The following UBXN2B variants were observed in gnomAD, a reference collection of about 807,000 sequenced individuals.
The protein encoded by UBXN2B is UBX domain-containing protein 2B.
Under a neutral mutation model 37.5 loss-of-function variants are expected in UBXN2B, and 19 were observed. The ratio of observed to expected loss-of-function variants is 0.51; its 90% CI spans 0.35 to 0.74. The LOEUF (loss-of-function observed/expected upper bound fraction) is 0.74, where lower values mean the gene tolerates loss of function less well. Ranked by LOEUF, UBXN2B falls within the 30% of genes least tolerant of loss-of-function variation. UBXN2B has a pLI of 0.01. For synonymous variants in UBXN2B, 145 were observed against 143.8 expected, an observed-to-expected ratio of 1.01 and a Z score of -0.06; for missense variants, 370 against 393.2, an observed-to-expected ratio of 0.94 and a Z score of 0.50.
At chr8:58,436,406 A>G (rs1222894724) in intron 5 of UBXN2B, among the ~76,000 whole-genome samples, 1 of 152,264 alleles carries the variant, frequency 6.6e-6, no homozygotes, top group East Asian at 1.9e-4. Flanking sequence ...TGGAGGGCAC[A>G]TGATGATTCT....
intron 1 of UBXN2B, among the ~76,000 whole-genome samples, chr8:58,413,036 C>G (rs13263105): frequency 0.69 from 105,578 of 152,064 alleles, 36,869 homozygotes; most frequent in East Asian, 0.79. Flanking sequence ...GAACAGCTTG[C>G]TTAATGACCA....
At chr8:58,435,152 A>G (rs769270879) in intron 5 of UBXN2B, 14 of 1,357,758 alleles carry the variant, frequency 1.0e-5, no homozygotes, top group Non-Finnish European at 1.3e-5. Context: ...CTAAAGACAT[A>G]AAGTTGAGCA....
chr8:58,426,764 C>T (rs536251894), intron 2 of UBXN2B: 26 of 634,712 alleles, frequency 4.1e-5, no homozygotes, highest in East Asian at 2.8e-4. Flanking sequence ...TGGGCTGGCC[C>T]GAGGGAGGCC....
chr8:58,443,257 C>G (rs1025994720), intron 6 of UBXN2B, among the ~76,000 whole-genome samples: 5 of 152,198 alleles, frequency 3.3e-5, no homozygotes, highest in Non-Finnish European at 7.3e-5. Context: ...CTGGTCATTT[C>G]CATCCTCCTC....
chr8:58,421,501 C>A lies in UBXN2B; in HGVS notation c.188+4548C>A, dbSNP rs1229037293. 4.6e-5 allele frequency among the ~76,000 whole-genome samples: 7 copies of A among 152,078 alleles called. No individual in the cohort carries two copies. In the East Asian group the frequency reaches 1.3e-3, roughly 29 times the overall value. On this transcript the variant is annotated intron_variant, in intron 2 of 7. Transcript: ENST00000399598. ...TCTGGAATATTGTGCATATTTAATACCTACCAGCAACCTAGAAGTAGACAA... is the reference window on the plus strand; with the variant it reads ...TCTGGAATATTGTGCATATTTAATAACTACCAGCAACCTAGAAGTAGACAA...
At chr8:58,421,838 T>C (rs1807933783) in intron 2 of UBXN2B, among the ~76,000 whole-genome samples, 1 of 152,244 alleles carries the variant, frequency 6.6e-6, no homozygotes, top group South Asian at 2.1e-4. Flanking sequence ...CATAAGAACA[T>C]GATAGTTTGC....
rs1585626024 is a variant in UBXN2B at position 58,451,378 on chromosome 8, A to G, written c.*3827A>G. The G allele has an allele frequency of 6.6e-6, 1 of 152,198 alleles. No individual in the cohort carries two copies. The highest frequency in any genetic ancestry group is 1.5e-5 in the Non-Finnish European group (1 of 68,040). 9.4% of individuals were successfully genotyped at this position (152,198 alleles called of 1,614,324 possible). ...CTGCAGTCATCTTAAATTTATAATC[A>G]TCTCAAAAAAGATGTCACAATGAAC... is the stretch of plus-strand genomic sequence containing the variant. On this transcript the variant is annotated 3_prime_UTR_variant, in exon 8 of 8. Transcript: ENST00000399598.
At chr8:58,432,859 A>G (rs1266770152) in intron 3 of UBXN2B, among the ~76,000 whole-genome samples, 1 of 152,184 alleles carries the variant, frequency 6.6e-6, no homozygotes, top group Non-Finnish European at 1.5e-5. Context: ...ATTATGGTTC[A>G]ATAAATTTGG....
In UBXN2B at chr8:58,451,015, A is replaced by G. The variant is rs991886247; in HGVS notation, c.*3464A>G. 12 of 152,670 alleles carry G rather than the reference A, an allele frequency of 7.9e-5. No homozygotes were observed. Among genetic ancestry groups the G allele is most frequent in the African/African-American group, 2.9e-4 (12 of 41,466 alleles). 9.5% of individuals were successfully genotyped at this position (152,670 alleles called of 1,614,324 possible). A position where few individuals can be genotyped will look rare whatever the true frequency, so the allele number is the denominator to read the frequency against. ...CCATTTCAAAAAGATTACCAGGGGT[A>G]AAACAACTTTTTCATGGGTCAAAAT... is the stretch of plus-strand genomic sequence containing the variant. On this transcript the variant is annotated 3_prime_UTR_variant, in exon 8 of 8. Transcript: ENST00000399598.
At position 58,429,176 on chromosome 8, in the gene UBXN2B, T is replaced by A. The variant is rs527347509; in HGVS notation, c.189-1343T>A. On this transcript the variant is annotated intron_variant, in intron 2 of 7. Transcript: ENST00000399598. ...GGAATGATTATTCACTTTGCCAGAT[T>A]AGAGATGTGGAAAGCCTTGAAGGTG... Among the ~76,000 whole-genome samples, 114 of 152,308 alleles carry A rather than the reference T, an allele frequency of 7.5e-4. 1 individual carries two copies. Among genetic ancestry groups the A allele is most frequent in the African/African-American group, 2.7e-3 (111 of 41,574 alleles).
chr8:58,416,876 T>A lies in UBXN2B; in HGVS notation c.111T>A (p.Asp37Glu), dbSNP rs891218697. 1.9e-6 allele frequency: 3 copies of A among 1,612,740 alleles called. No individual in the cohort carries two copies. The highest frequency in any genetic ancestry group is 1.7e-6 in the Non-Finnish European group (2 of 1,179,044). Residue 37 changes from aspartate to glutamate, a missense_variant, in exon 2 of 8, where the codon GAT becomes GAA. Around this residue, in one of 3 missense-constraint regions of UBXN2B, gnomAD observed 197 missense variants for 170.2 expected, o/e 1.16. Transcript: ENST00000399598. Reference sequence around the variant, plus strand: ...TGGCCTTGGCAGAATTGTATGAAGATGAAGTGAAGTGCAAATCTTCCAAGT... The same window carrying A: ...TGGCCTTGGCAGAATTGTATGAAGAAGAAGTGAAGTGCAAATCTTCCAAGT... ...LQLALAELYE[D>E]EVKCKSSKSN...
chr8:58,450,407 C>T lies in UBXN2B; in HGVS notation c.*2856C>T, dbSNP rs567649776. The T allele has an allele frequency of 4.6e-5, 7 of 152,298 alleles. No homozygotes were observed. The South Asian group carries it at 6.2e-4, about 14-fold the overall frequency. 9.4% of individuals were successfully genotyped at this position (152,298 alleles called of 1,614,324 possible). A position where few individuals can be genotyped will look rare whatever the true frequency, so the allele number is the denominator to read the frequency against. ...CAGGACACAACTCAGCTTAGCTTTT[C>T]GCCACTATGTAACAAGGACTCCTTT... On this transcript the variant is annotated 3_prime_UTR_variant, in exon 8 of 8. Transcript: ENST00000399598.
At chr8:58,437,318 CTTTTT>C (rs773987509) in intron 5 of UBXN2B, among the ~76,000 whole-genome samples, 91 of 74,248 alleles carry the variant, frequency 1.2e-3, no homozygotes, top group African/African-American at 4.6e-3. Flanking sequence ...GAAGAAATTT[CTTTTT>C]TTTTTTTTTT....
Position 58,448,295 on chromosome 8 carries a change from T to C in UBXN2B, c.*744T>C, listed in dbSNP as rs1490845882. ...TTCAAAAGATTCTCCTGCCTTAGCC[T>C]CCCAAGTAGCTGGGATTACAGGCAT... On this transcript the variant is annotated 3_prime_UTR_variant, in exon 8 of 8. Transcript: ENST00000399598. The C allele has an allele frequency of 6.6e-6, 1 of 151,742 alleles. No homozygotes were observed. Among genetic ancestry groups the C allele is most frequent in the East Asian group, 1.9e-4 (1 of 5,142 alleles). 9.4% of individuals were successfully genotyped at this position (151,742 alleles called of 1,614,324 possible).
intron 5 of UBXN2B, among the ~76,000 whole-genome samples, chr8:58,439,008 G>T (rs1168460105): frequency 6.6e-6 from 1 of 152,114 alleles, no homozygotes; most frequent in Non-Finnish European, 1.5e-5. Flanking sequence ...TTGTTTAATA[G>T]CCTGGAACCT....
rs1317945574 is a variant in UBXN2B, at chr8:58,449,902, G to T, written c.*2351G>T. On this transcript the variant is annotated 3_prime_UTR_variant, in exon 8 of 8. Coordinates refer to ENST00000399598, the MANE Select transcript of UBXN2B (RefSeq NM_001077619.2). ...TATAACGTTGTCAAGAAACTTGTGG[G>T]TCTTTTACATATGTCACAGGGATGC... 6.6e-6 allele frequency: 1 copy of T among 152,204 alleles called. No individual in the cohort carries two copies. The highest frequency in any genetic ancestry group is 1.5e-5 in the Non-Finnish European group (1 of 68,044). 9.4% of individuals were successfully genotyped at this position (152,204 alleles called of 1,614,324 possible).
In UBXN2B at chr8:58,447,671, T is replaced by C; in HGVS notation, c.*120T>C. The C allele has an allele frequency of 1.9e-6, 2 of 1,042,750 alleles. No homozygotes were observed. Among genetic ancestry groups the C allele is most frequent in the Non-Finnish European group, 1.3e-6 (1 of 778,482 alleles). 64.6% of individuals were successfully genotyped at this position (1,042,750 alleles called of 1,614,324 possible). A position where few individuals can be genotyped will look rare whatever the true frequency, so the allele number is the denominator to read the frequency against. Reference sequence around the variant, plus strand: ...TATTATTTTTACAGATAAATTTTGGTTTTATTGTTATTCTGTCTTCCAATC... The same window carrying C: ...TATTATTTTTACAGATAAATTTTGGCTTTATTGTTATTCTGTCTTCCAATC... On this transcript the variant is annotated 3_prime_UTR_variant, in exon 8 of 8. Transcript: ENST00000399598.
chr8:58,446,266 GTC>G (rs1456979375), intron 7 of UBXN2B, among the ~76,000 whole-genome samples, 198 bp downstream of exon 7: 1 of 152,160 alleles, frequency 6.6e-6, no homozygotes, highest in Non-Finnish European at 1.5e-5. Flanking sequence ...TATTTAAACA[GTC>G]TCTATAAACT....
rs923268821 is a variant in UBXN2B, at chr8:58,415,199, A to G, written c.85-1651A>G. On this transcript the variant is annotated intron_variant, in intron 1 of 7. Transcript: ENST00000399598. The stretch of plus-strand genomic sequence containing the variant: ...GTGCTATGAGTATTTAGAAAAAAAG[A>G]TATTAAGAAGATTAGAAAAGGTTTT... 5.9e-5 allele frequency among the ~76,000 whole-genome samples: 9 copies of G among 152,226 alleles called. 1 individual carries two copies. The highest frequency in any genetic ancestry group is 3.3e-4 in the Admixed American group (5 of 15,292).
Sources: gnomAD v4.1 joint callset for allele counts (sites outside exome capture counted in the v4.1 genomes callset) on GRCh38, gnomAD v4.1.1 for gene constraint, gnomAD v4.1.1 regional missense constraint, MANE v1.5 for transcripts, NCBI Gene and HGNC (gene_info 2026-07-23, HGNC 2026-07-21) for gene names.